Variants in MYO18B observed in about 807,000 individuals in gnomAD.
MYO18B encodes the protein unconventional myosin-XVIIIb.
Under a neutral mutation model 273.0 loss-of-function variants are expected in MYO18B, and 204 were observed. The ratio of observed to expected loss-of-function variants is 0.75; its 90% CI spans 0.67 to 0.84. MYO18B has a LOEUF of 0.84. Ranked by LOEUF, MYO18B falls within the 40% of genes least tolerant of loss-of-function variation. MYO18B has a pLI of 0.00. For missense variants in MYO18B, 3,212 were observed against 3,287.6 expected, an observed-to-expected ratio of 0.98 and a Z score of 0.56; for synonymous variants, 1,330 against 1,305.7, an observed-to-expected ratio of 1.02 and a Z score of -0.40.
intron 7 of MYO18B, among the ~76,000 whole-genome samples, chr22:25,776,289 G>C (rs1383729214): frequency 6.6e-6 from 1 of 152,096 alleles, no homozygotes; most frequent in Non-Finnish European, 1.5e-5. Context: ...TCTTGTCCTG[G>C]TTTTCCTGGG....
At chr22:25,963,909 T>C (rs1279443071) in intron 39 of MYO18B, 1 of 152,196 alleles carries the variant, frequency 6.6e-6, no homozygotes, top group Non-Finnish European at 1.5e-5. Flanking sequence ...GATTTTCTCC[T>C]TCCACTCAAG....
At chr22:26,009,480 C>T (rs937945457) in intron 42 of MYO18B, among the ~76,000 whole-genome samples, 2 of 152,158 alleles carry the variant, frequency 1.3e-5, no homozygotes, top group Admixed American at 6.6e-5. Flanking sequence ...GCTTCTCAGA[C>T]GTGTTGTTAA....
chr22:25,990,521 G>A (rs894347231), intron 39 of MYO18B, among the ~76,000 whole-genome samples: 3 of 151,598 alleles, frequency 2.0e-5, no homozygotes, highest in Admixed American at 6.6e-5. Flanking sequence ...TCCCATCTCT[G>A]CTAAAAAATA....
the MYO18B span, among the ~76,000 whole-genome samples, chr22:26,042,355 C>T: frequency 6.6e-6 from 1 of 152,258 alleles, no homozygotes; most frequent in Non-Finnish European, 1.5e-5. Flanking sequence ...AGTAGGCCCT[C>T]AGTAATATCA....
At position 25,955,093 on chromosome 22, in the gene MYO18B, G is replaced by T. The variant is rs186266060; in HGVS notation, c.5971-86G>T. On this transcript the variant is annotated intron_variant, in intron 38 of 43. Coordinates refer to ENST00000335473, the MANE Select transcript of MYO18B (RefSeq NM_032608.7). The stretch of plus-strand genomic sequence containing the variant: ...TGATTATGAAAACACAGGAAACTCG[G>T]CAAAGGATTTATCTTCCTGAGGCTC... 3.2e-4 allele frequency: 431 copies of T among 1,360,980 alleles called. 1 individual carries two copies. The African/African-American group carries it at 5.1e-3, about 16-fold the overall frequency. 84.3% of individuals were successfully genotyped at this position (1,360,980 alleles called of 1,614,324 possible). A position where few individuals can be genotyped will look rare whatever the true frequency, so the allele number is the denominator to read the frequency against.
chr22:25,878,968 CAGGAAAGTAAACAT>C (rs2091269586), intron 25 of MYO18B, among the ~76,000 whole-genome samples: 1 of 152,138 alleles, frequency 6.6e-6, no homozygotes, highest in African/African-American at 2.4e-5. Flanking sequence ...AATGTAAACA[CAGGAAAGTAAACAT>C]TCAAATGGGA....
Position 25,883,114 on chromosome 22 carries a change from G to C in MYO18B, c.4314+5066G>C, listed in dbSNP as rs930863049. Among the ~76,000 whole-genome samples, 2 of 152,016 alleles carry C rather than the reference G, an allele frequency of 1.3e-5. No homozygotes were observed. Among genetic ancestry groups the C allele is most frequent in the Admixed American group, 1.3e-4 (2 of 15,252 alleles). ...GGGTCTCACTTTGTTGCCCAGGTTG[G>C]TCTCCAATTCCTGGGCTCAAGCGAT... On this transcript the variant is annotated intron_variant, in intron 25 of 43. Coordinates refer to ENST00000335473, the MANE Select transcript of MYO18B (RefSeq NM_032608.7). The surrounding 1 kb of genome is among the most constrained non-coding windows in gnomAD (Gnocchi z 7.6).
At position 25,768,460 on chromosome 22, in the gene MYO18B, C is replaced by A. The variant is rs761741629; in HGVS notation, c.544C>A (p.Pro182Thr). The A allele has an allele frequency of 3.8e-5, 52 of 1,370,602 alleles. 1 individual carries two copies. Among genetic ancestry groups the A allele is most frequent in the East Asian group, 2.3e-5 (1 of 43,360 alleles). The allele number at this position is 1,370,602 out of a possible 1,614,324, so 84.9% of individuals were successfully genotyped here. Residue 182 changes from proline to threonine, a missense_variant, in exon 4 of 44, where the codon CCC (proline) becomes ACC (threonine). Transcript: ENST00000335473. ...TGACGCCCCCCCTTGCAAGACCTCT[C>A]CCCCCGCCACAGATACTGGAAAGGA... ...PHDAPPCKTS[P>T]PATDTGKEKK...
chr22:26,024,380 C>G (rs986866009), intron 42 of MYO18B, among the ~76,000 whole-genome samples: 1 of 152,042 alleles, frequency 6.6e-6, no homozygotes, highest in Non-Finnish European at 1.5e-5. Context: ...CCGGGTAGAA[C>G]CACTCCTGCA....
intron 25 of MYO18B, 30 bp downstream of exon 25, chr22:25,878,078 TG>T (rs1569143022): frequency 4.6e-6 from 7 of 1,521,832 alleles, no homozygotes; most frequent in Admixed American, 1.9e-5. Flanking sequence ...TGGGTCCTTG[TG>T]GGGGGTCTTT....
intron 42 of MYO18B, chr22:26,006,464 G>A (rs1934428162): frequency 3.2e-6 from 1 of 315,738 alleles, no homozygotes; most frequent in South Asian, 4.6e-5. Flanking sequence ...TCAGTGTTCT[G>A]GCTGCTTCCA....
intron 38 of MYO18B, among the ~76,000 whole-genome samples, chr22:25,954,507 C>A (rs965661612): frequency 2.0e-5 from 3 of 151,992 alleles, no homozygotes; most frequent in African/African-American, 7.3e-5. Context: ...GCACCCAAGC[C>A]TTCTGCATAC....
At position 25,843,888 on chromosome 22, in the gene MYO18B, C is replaced by CA. The variant is rs749751121; in HGVS notation, c.3367dup (p.Arg1123LysfsTer102). 6.2e-7 allele frequency: 1 copy of CA among 1,601,306 alleles called. No homozygotes were observed. The highest frequency in any genetic ancestry group is 1.7e-5 in the Admixed American group (1 of 59,676). ...GATGCACCCCAGGTCCTGCACCAGTCAAAAAGGTGAGTTGGGTCAGGGTTG... is the reference window on the plus strand; with the variant it reads ...GATGCACCCCAGGTCCTGCACCAGTCAAAAAAGGTGAGTTGGGTCAGGGTTG... On this transcript the variant is annotated frameshift_variant, in exon 18 of 44. Transcript: ENST00000335473. LOFTEE classifies it high-confidence loss of function.
At chr22:25,797,932 C>T in intron 11 of MYO18B, 21 bp from the exon 12 acceptor site, 1 of 1,614,008 alleles carries the variant, frequency 6.2e-7, no homozygotes, top group Non-Finnish European at 8.5e-7. Flanking sequence ...TTGTTTTCTT[C>T]CTCTCTCCCT....
rs746793879 is a variant in MYO18B, at chr22:25,876,194, C to T, written c.4086C>T (p.Arg1362=). The change falls in exon 24 of 44, where the codon CGC becomes CGT. Residue 1362 remains arginine, a synonymous_variant. Coordinates refer to ENST00000335473, the MANE Select transcript of MYO18B (RefSeq NM_032608.7). ...TGTGTTCTCCTTCCCTGCAGATTCG[C>T]CGACTGGCTGCACAGTGCATCCAGA... ...SRQEFKKLKI[R]RLAAQCIQKN... 6.2e-7 allele frequency: 1 copy of T among 1,610,262 alleles called. No homozygotes were observed. The highest frequency in any genetic ancestry group is 2.2e-5 in the East Asian group (1 of 44,698).
intron 9 of MYO18B, among the ~76,000 whole-genome samples, chr22:25,780,479 A>T (rs2087094263): frequency 6.6e-6 from 1 of 151,082 alleles, no homozygotes; most frequent in Admixed American, 6.6e-5. Flanking sequence ...AATCTCAGCT[A>T]CTCGGGAGGC....
intron 22 of MYO18B, 65 bp downstream of exon 22, chr22:25,868,450 C>T: frequency 7.7e-7 from 1 of 1,302,030 alleles, no homozygotes; most frequent in Non-Finnish European, 1.1e-6. Flanking sequence ...TGACCTGATT[C>T]TTGTCCTACC....
intron 22 of MYO18B, among the ~76,000 whole-genome samples, chr22:25,869,129 G>GC (rs2090974246): frequency 6.6e-6 from 1 of 152,048 alleles, no homozygotes; most frequent in Admixed American, 6.6e-5. Flanking sequence ...AGGAGTGGGG[G>GC]CAGGGGAAAG....
intron 34 of MYO18B, among the ~76,000 whole-genome samples, chr22:25,927,386 C>G (rs1004968563): frequency 6.6e-6 from 1 of 152,074 alleles, no homozygotes; most frequent in South Asian, 2.1e-4. Context: ...CTCTTATGGT[C>G]GAGACTGCAG....
Sources: allele counts gnomAD v4.1 joint callset (sites outside exome capture counted in the v4.1 genomes callset), GRCh38; gene constraint gnomAD v4.1.1; non-coding constraint Gnocchi (gnomAD v3.1); transcripts MANE v1.5; gene names NCBI Gene and HGNC (gene_info 2026-07-23, HGNC 2026-07-21).